ZC3H6: variants seen among roughly 807,000 people sequenced by gnomAD.
The protein encoded by ZC3H6 is zinc finger CCCH domain-containing protein 6.
Under a neutral mutation model 107.7 loss-of-function variants are expected in ZC3H6, and 40 were observed. That is an observed-to-expected ratio of 0.37 (90% CI 0.29 to 0.48). ZC3H6 has a LOEUF of 0.48. Among genes scored for constraint, ZC3H6 ranks in the 20% least tolerant of loss-of-function variants. ZC3H6 has a pLI of 0.98. For missense variants in ZC3H6, 1,267 were observed against 1,410.4 expected (o/e 0.90, Z 1.63); for synonymous variants, 493 against 487.9 (o/e 1.01, Z -0.14).
At chr2:112,303,417 T>A in intron 3 of ZC3H6, 66 bp downstream of exon 3, 1 of 1,220,766 alleles carries the variant, frequency 8.2e-7, no homozygotes, top group Non-Finnish European at 1.2e-6. Flanking sequence ...TTAACCCTTT[T>A]AACTGTACAA....
intron 2 of ZC3H6, among the ~76,000 whole-genome samples, chr2:112,300,483 G>A (rs1362100663): frequency 1.3e-5 from 2 of 152,344 alleles, no homozygotes; most frequent in East Asian, 3.9e-4. Flanking sequence ...AGGTTTACAG[G>A]TGTGAGCCAC....
chr2:112,314,004 T>G (rs929859753), intron 5 of ZC3H6, among the ~76,000 whole-genome samples: 1 of 152,216 alleles, frequency 6.6e-6, no homozygotes, highest in Non-Finnish European at 1.5e-5. Flanking sequence ...CTATTACATT[T>G]TTTTGTAATA....
intron 7 of ZC3H6, among the ~76,000 whole-genome samples, chr2:112,319,053 A>G (rs1676752593): frequency 6.6e-6 from 1 of 152,222 alleles, no homozygotes; most frequent in Non-Finnish European, 1.5e-5. Context: ...TTAACTAGAT[A>G]CAATTTGTGG....
At chr2:112,306,959 A>G (rs1051922169) in intron 3 of ZC3H6, among the ~76,000 whole-genome samples, 8 of 152,184 alleles carry the variant, frequency 5.3e-5, no homozygotes, top group Non-Finnish European at 7.4e-5. Context: ...CATCTACTCC[A>G]TGGGTATTGG....
intron 8 of ZC3H6, among the ~76,000 whole-genome samples, chr2:112,322,365 ATCC>A (rs1360647182): frequency 2.7e-5 from 4 of 148,354 alleles, no homozygotes; most frequent in African/African-American, 1.0e-4. Context: ...CCCTGGGGTC[ATCC>A]TCCCACCTCA....
intron 1 of ZC3H6, among the ~76,000 whole-genome samples, chr2:112,288,997 C>CG (rs1270282172): frequency 1.3e-5 from 2 of 148,856 alleles, no homozygotes; most frequent in Non-Finnish European, 3.0e-5. Flanking sequence ...TGCCCACCCC[C>CG]CCGCCACCAC....
In ZC3H6 at chr2:112,279,443, T is replaced by G. The variant is rs796912669; in HGVS notation, c.32+3417T>G. On this transcript the variant is annotated intron_variant, in intron 1 of 11. Coordinates refer to ENST00000409871, the MANE Select transcript of ZC3H6 (RefSeq NM_198581.3). ...GGGCTTGTACTGGGGAAAAAGATAA[T>G]TTTTTAGCATGAACCTTTTAAGAGC... 1.3e-4 allele frequency among the ~76,000 whole-genome samples: 20 copies of G among 152,364 alleles called. 1 individual carries two copies. The highest frequency in any genetic ancestry group is 4.8e-4 in the African/African-American group (20 of 41,586).
intron 8 of ZC3H6, 37 bp downstream of exon 8, chr2:112,321,902 A>G: frequency 1.1e-6 from 1 of 940,518 alleles, no homozygotes; most frequent in Non-Finnish European, 1.6e-6. Flanking sequence ...ATGTCTCTCC[A>G]CAAATACATT....
intron 7 of ZC3H6, among the ~76,000 whole-genome samples, chr2:112,321,317 CAG>C (rs1381121458): frequency 3.3e-5 from 5 of 151,688 alleles, no homozygotes; most frequent in African/African-American, 4.8e-5. Context: ...TGAAAAGTAA[CAG>C]AGCTTATGTA....
rs528841889 is a variant in ZC3H6 at position 112,298,698 on chromosome 2, A to G, written c.33-1151A>G. Among the ~76,000 whole-genome samples, 17 of 152,388 alleles carry G rather than the reference A, an allele frequency of 1.1e-4. 1 individual carries two copies. The South Asian group carries it at 3.5e-3, about 32-fold the overall frequency. On this transcript the variant is annotated intron_variant, in intron 1 of 11. Coordinates refer to ENST00000409871, the MANE Select transcript of ZC3H6 (RefSeq NM_198581.3). ...TTATGATATAAAAGAACTTGATCAA[A>G]TGAATATACAGCCATGAAATGTAAA...
In ZC3H6 at chr2:112,322,774, G is replaced by A. The variant is rs1468533538; in HGVS notation, c.1212G>A (p.Glu404=). 6.2e-7 allele frequency: 1 copy of A among 1,613,876 alleles called. No individual in the cohort carries two copies. Among genetic ancestry groups the A allele is most frequent in the Admixed American group, 1.7e-5 (1 of 60,006 alleles). Residue 404 remains glutamate, a synonymous_variant, in exon 9 of 12, where the codon GAG becomes GAA. Transcript: ENST00000409871. The part of the protein sequence containing the change: ...PGVGLLPTPP[E]HFPFSDPEDD... The stretch of plus-strand genomic sequence containing the variant: ...TTGGGCTTCTGCCAACCCCTCCAGA[G>A]CATTTTCCCTTTTCTGATCCTGAAG...
rs1215854616 is a variant in ZC3H6, at chr2:112,288,414, AGGGCTATCTACTAGGT to A, written c.33-11432_33-11417del. Reference sequence around the variant, plus strand: ...ACGAAGGGAAAGGAAGCTTTCGTTGAGGGCTATCTACTAGGTGGTACAGTGCTAGGTAATTAACTTT... The same window carrying A: ...ACGAAGGGAAAGGAAGCTTTCGTTGAGGTACAGTGCTAGGTAATTAACTTT... On this transcript the variant is annotated intron_variant, in intron 1 of 11. Transcript: ENST00000409871. Among the ~76,000 whole-genome samples, 3 of 152,330 alleles carry A rather than the reference AGGGCTATCTACTAGGT, an allele frequency of 2.0e-5. No homozygotes were observed. The East Asian group carries it at 5.8e-4, about 29-fold the overall frequency.
chr2:112,326,495 C>T (rs930296779), intron 11 of ZC3H6, among the ~76,000 whole-genome samples: 1 of 152,146 alleles, frequency 6.6e-6, no homozygotes, highest in Admixed American at 6.5e-5. Context: ...GCTTATTTCA[C>T]TTAACATAAT....
intron 5 of ZC3H6, among the ~76,000 whole-genome samples, chr2:112,313,803 G>A (rs1422012832): frequency 1.3e-5 from 2 of 152,082 alleles, no homozygotes; most frequent in Non-Finnish European, 2.9e-5. Context: ...AGATAGATCC[G>A]TCTCTGTCCT....
At chr2:112,323,282 G>A (rs570614719) in intron 9 of ZC3H6, among the ~76,000 whole-genome samples, 3 of 152,178 alleles carry the variant, frequency 2.0e-5, no homozygotes, top group Non-Finnish European at 2.9e-5. Context: ...GGCTATTGGC[G>A]GAAGACCTCT....
chr2:112,317,452 A>G (rs1447843037), intron 7 of ZC3H6, 120 bp downstream of exon 7: 1 of 552,708 alleles, frequency 1.8e-6, no homozygotes, highest in African/African-American at 2.0e-5. Flanking sequence ...TTAAAACAAC[A>G]CATTACATAA....
At chr2:112,315,773 A>AT (rs1676685753) in intron 5 of ZC3H6, among the ~76,000 whole-genome samples, 1 of 151,794 alleles carries the variant, frequency 6.6e-6, no homozygotes, top group Non-Finnish European at 1.5e-5. Flanking sequence ...AATTTTTTGT[A>AT]TTTTTAGTAT....
chr2:112,283,896 C>T (rs572941455), intron 1 of ZC3H6, among the ~76,000 whole-genome samples: 34 of 152,330 alleles, frequency 2.2e-4, no homozygotes, highest in Admixed American at 3.3e-4. Flanking sequence ...TGACACTTGT[C>T]TAAATCTTAA....
At position 112,303,344 on chromosome 2, in the gene ZC3H6, T is replaced by C; in HGVS notation, c.329T>C (p.Phe110Ser). The change falls in exon 3 of 12, where the codon TTT becomes TCT. Residue 110 changes from phenylalanine (F) to serine (S), a missense_variant. By Grantham distance (155) the Phe-to-Ser change is radical. Transcript: ENST00000409871. ...TGFYRDYDIP[F>S]TQRGHISGSY... ...TTCTACAGGGATTATGACATTCCAT[T>C]TACTCAGGTATTGCCATTTTTTTGT... 1 of 1,611,492 alleles carries C rather than the reference T, an allele frequency of 6.2e-7. No individual in the cohort carries two copies. Among genetic ancestry groups the C allele is most frequent in the Non-Finnish European group, 8.5e-7 (1 of 1,178,764 alleles).
Sources: gnomAD v4.1 joint callset for allele counts (sites outside exome capture counted in the v4.1 genomes callset) on GRCh38, gnomAD v4.1.1 for gene constraint, MANE v1.5 for transcripts, NCBI Gene and HGNC (gene_info 2026-07-23, HGNC 2026-07-21) for gene names.